Variants in GSR observed in about 807,000 individuals in gnomAD.
GSR encodes the protein glutathione reductase, mitochondrial.
GSR carries 48 observed loss-of-function variants against 56.5 expected under a neutral mutation model. The observed-to-expected ratio is 0.85, with a 90% CI of 0.67 to 1.08. The LOEUF (loss-of-function observed/expected upper bound fraction) is 1.08. Ranked by LOEUF, GSR falls within the 50% of genes least tolerant of loss-of-function variation. The pLI is 0.00. For synonymous variants in GSR, 264 were observed against 270.8 expected (o/e 0.97, Z 0.25); for missense variants, 694 against 703.3 (o/e 0.99, Z 0.15).
At chr8:30,684,971 T>G (rs1053788077) in intron 9 of GSR, among the ~76,000 whole-genome samples, 2 of 139,760 alleles carry the variant, frequency 1.4e-5, no homozygotes, top group African/African-American at 5.4e-5. Context: ...ATTTATTTAT[T>G]TATTTATTTA....
At chr8:30,692,792 G>A (rs1052341117) in intron 8 of GSR, among the ~76,000 whole-genome samples, 177 bp downstream of exon 8, 3 of 151,860 alleles carry the variant, frequency 2.0e-5, no homozygotes, top group East Asian at 3.9e-4. Context: ...GTGAGCCACC[G>A]CACCTGGCTA....
intron 1 of GSR, among the ~76,000 whole-genome samples, chr8:30,718,913 G>A (rs1015410212): frequency 2.1e-4 from 10 of 46,868 alleles, no homozygotes; most frequent in African/African-American, 3.3e-4. Context: ...CCCTGCTAAG[G>A]TGTTTTGTTT....
chr8:30,720,732 G>T (rs1226479270), intron 1 of GSR, among the ~76,000 whole-genome samples: 1 of 151,492 alleles, frequency 6.6e-6, no homozygotes, highest in Non-Finnish European at 1.5e-5. Flanking sequence ...GGATACATTT[G>T]CAAGAGATAT....
chr8:30,693,201 T>C (rs1803445096), intron 7 of GSR, 146 bp from the exon 8 acceptor site: 1 of 689,220 alleles, frequency 1.5e-6, no homozygotes, highest in South Asian at 1.5e-5. Context: ...GGAGTATTAA[T>C]AAATTCCCTA....
chr8:30,683,301 G>A (rs1427955602), intron 10 of GSR, among the ~76,000 whole-genome samples: 1 of 152,148 alleles, frequency 6.6e-6, no homozygotes, highest in Non-Finnish European at 1.5e-5. Flanking sequence ...TGTGACTGGT[G>A]TAGGTTTTCA....
chr8:30,707,889 G>A (rs550408350), intron 4 of GSR, among the ~76,000 whole-genome samples, 183 bp downstream of exon 4: 12 of 151,948 alleles, frequency 7.9e-5, no homozygotes, highest in Admixed American at 2.0e-4. Context: ...CTCAGGAGGC[G>A]GAGGTTGCAG....
At chr8:30,700,447 C>T (rs1311030228) in intron 5 of GSR, among the ~76,000 whole-genome samples, 1 of 152,028 alleles carries the variant, frequency 6.6e-6, no homozygotes, top group African/African-American at 2.4e-5. Flanking sequence ...CAGGTAGGAA[C>T]CCTGGGGCTC....
At chr8:30,710,528 C>T (rs901091663) in intron 2 of GSR, among the ~76,000 whole-genome samples, 1 of 150,274 alleles carries the variant, frequency 6.7e-6, no homozygotes, top group African/African-American at 2.4e-5. Context: ...ACCATCTTGG[C>T]CAACATGGTG....
At chr8:30,679,799 G>C in intron 12 of GSR, 130 bp from the exon 13 acceptor site, 1 of 773,938 alleles carries the variant, frequency 1.3e-6, no homozygotes, top group Non-Finnish European at 2.1e-6. Context: ...TCCACCTCCC[G>C]GGTTCAAGTG....
chr8:30,684,569 T>C (rs926862632), intron 9 of GSR, among the ~76,000 whole-genome samples: 5 of 152,140 alleles, frequency 3.3e-5, no homozygotes, highest in African/African-American at 1.2e-4. Context: ...TTTTGAGATG[T>C]TTTAACAGGA....
chr8:30,682,196 T>C (rs1285687065), intron 10 of GSR, 135 bp from the exon 11 acceptor site: 5 of 776,596 alleles, frequency 6.4e-6, no homozygotes, highest in Non-Finnish European at 1.1e-5. Flanking sequence ...TTACACTATC[T>C]AGATAGTTTA....
At chr8:30,713,605 C>T (rs1804229944) in intron 1 of GSR, among the ~76,000 whole-genome samples, 1 of 151,686 alleles carries the variant, frequency 6.6e-6, no homozygotes, top group Admixed American at 6.6e-5. Context: ...GTGATCCACA[C>T]ACCTTGGCCT....
intron 3 of GSR, 70 bp downstream of exon 3, chr8:30,709,744 G>C (rs529059682): frequency 4.6e-6 from 4 of 869,978 alleles, no homozygotes; most frequent in Non-Finnish European, 7.9e-6. Flanking sequence ...CCCTAAAAAA[G>C]TTTATGGCTC....
At chr8:30,683,235 C>T (rs1015666401) in intron 10 of GSR, among the ~76,000 whole-genome samples, 2 of 152,142 alleles carry the variant, frequency 1.3e-5, no homozygotes, top group Admixed American at 6.6e-5. Flanking sequence ...GTGATGGGAG[C>T]CACCACACCT....
At chr8:30,706,266 G>A (rs1446294222) in intron 4 of GSR, among the ~76,000 whole-genome samples, 1 of 151,946 alleles carries the variant, frequency 6.6e-6, no homozygotes, top group Non-Finnish European at 1.5e-5. Flanking sequence ...TTGGGAGGCT[G>A]AGGCAGGCAG....
chr8:30,727,786 C>T lies in GSR; in HGVS notation c.50G>A (p.Arg17Gln), dbSNP rs1804798823. The T allele has an allele frequency of 3.7e-6, 5 of 1,351,082 alleles. No homozygotes were observed. The Admixed American group carries it at 1.2e-4, about 33-fold the overall frequency. The allele number at this position is 1,351,082 out of a possible 1,614,324, so 83.7% of individuals were successfully genotyped here. Reference sequence around the variant, plus strand: ...GCCTCGGAAGGCGCGCGCCGCCCGCCGCCAGCTCGGTCCCGCGCCGGCGCT... The same window carrying T: ...GCCTCGGAAGGCGCGCGCCGCCCGCTGCCAGCTCGGTCCCGCGCCGGCGCT... ...ALSAGAGPSW[R>Q]RAARAFRGFL... Residue 17 changes from arginine (R) to glutamine (Q), a missense_variant, in exon 1 of 13, where the codon CGG becomes CAG. Transcript: ENST00000221130.
At chr8:30,684,758 T>G (rs2128738017) in intron 9 of GSR, among the ~76,000 whole-genome samples, 1 of 150,430 alleles carries the variant, frequency 6.6e-6, no homozygotes, top group African/African-American at 2.4e-5. Flanking sequence ...GTTTATTTAG[T>G]TTTTTTTTAG....
intron 9 of GSR, among the ~76,000 whole-genome samples, chr8:30,686,775 T>C (rs1313633056): frequency 6.6e-6 from 1 of 152,056 alleles, no homozygotes; most frequent in African/African-American, 2.4e-5. Flanking sequence ...AAAATATCTC[T>C]TGAAAGGTGA....
At position 30,703,057 on chromosome 8, in the gene GSR, T is replaced by G. The variant is rs201284091; in HGVS notation, c.640+36A>C. The stretch of plus-strand genomic sequence containing the variant: ...CAGGTTGAAAGCAACAGTAAACTCC[T>G]GACTGCTGTTAATGAGTACCTGTTG... On this transcript the variant is annotated intron_variant, in intron 5 of 12. Transcript: ENST00000221130. 17 of 1,607,814 alleles carry G rather than the reference T, an allele frequency of 1.1e-5. No individual in the cohort carries two copies. The East Asian group carries it at 3.1e-4, about 30-fold the overall frequency.
Sources: gnomAD v4.1 joint callset for allele counts (sites outside exome capture counted in the v4.1 genomes callset) on GRCh38, gnomAD v4.1.1 for gene constraint, MANE v1.5 for transcripts, NCBI Gene and HGNC (gene_info 2026-07-23, HGNC 2026-07-21) for gene names.